The following LRRTM4 variants were observed in gnomAD, a reference collection of about 807,000 sequenced individuals.
The protein encoded by LRRTM4 is leucine-rich repeat transmembrane neuronal protein 4.
A neutral mutation model predicts 47.6 loss-of-function variants in LRRTM4; 25 were observed. That is an observed-to-expected ratio of 0.53 (90% CI 0.38 to 0.73). The LOEUF (loss-of-function observed/expected upper bound fraction) is 0.73, where lower values mean the gene tolerates loss of function less well. Ranked by LOEUF, LRRTM4 falls within the 30% of genes least tolerant of loss-of-function variation. The pLI is 0.00. For synonymous variants in LRRTM4, 311 were observed against 269.5 expected, an observed-to-expected ratio of 1.15 and a Z score of -1.51; for missense variants, 638 against 713.4, an observed-to-expected ratio of 0.89 and a Z score of 1.20.
Position 76,853,195 on chromosome 2 carries a change from T to A in LRRTM4, c.1552-104279A>T, listed in dbSNP as rs140765349. 2.4e-3 allele frequency among the ~76,000 whole-genome samples: 368 copies of A among 152,116 alleles called. 6 individuals carry two copies. Among genetic ancestry groups the A allele is most frequent in the African/African-American group, 8.5e-3 (355 of 41,526 alleles). Reference sequence around the variant, plus strand: ...GTTAGATAGATAACGCTGGGTACAGTGTGGAGAATAAATGGGGAGGGGCTA... The same window carrying A: ...GTTAGATAGATAACGCTGGGTACAGAGTGGAGAATAAATGGGGAGGGGCTA... On this transcript the variant is annotated intron_variant, in intron 3 of 3. Coordinates refer to ENST00000409884, the MANE Select transcript of LRRTM4 (RefSeq NM_001134745.3).
chr2:77,014,333 ATTAAT>A (rs1268050345), intron 3 of LRRTM4, among the ~76,000 whole-genome samples: 1 of 152,078 alleles, frequency 6.6e-6, no homozygotes, highest in African/African-American at 2.4e-5. Context: ...TAAATTAAAT[ATTAAT>A]TTATTATAAA....
intron 3 of LRRTM4, among the ~76,000 whole-genome samples, chr2:77,335,804 G>A (rs1573271855): frequency 6.6e-6 from 1 of 152,176 alleles, no homozygotes; most frequent in African/African-American, 2.4e-5. Flanking sequence ...CCCAAATTAG[G>A]CTCATTCTTA....
At chr2:77,193,738 T>C (rs960898214) in intron 3 of LRRTM4, among the ~76,000 whole-genome samples, 5 of 152,132 alleles carry the variant, frequency 3.3e-5, no homozygotes, top group Admixed American at 1.3e-4. Context: ...GAGGCGGGCA[T>C]TGCACTCCGG....
intron 3 of LRRTM4, among the ~76,000 whole-genome samples, chr2:77,184,987 T>G (rs895599908): frequency 5.3e-5 from 8 of 152,120 alleles, no homozygotes; most frequent in African/African-American, 1.9e-4. Context: ...TGTTGAGGTC[T>G]CTACATATTG....
intron 3 of LRRTM4, among the ~76,000 whole-genome samples, chr2:76,874,121 T>C (rs1262661552): frequency 5.9e-5 from 9 of 151,902 alleles, no homozygotes; most frequent in Admixed American, 1.3e-4. Flanking sequence ...CTTTTTTTTT[T>C]TCTCGGAACA....
intron 3 of LRRTM4, among the ~76,000 whole-genome samples, chr2:76,807,874 C>A (rs1256216343): frequency 5.3e-5 from 8 of 151,154 alleles, no homozygotes; most frequent in Non-Finnish European, 1.2e-4. Flanking sequence ...AGCCACCGCA[C>A]CCGGCCTATT....
chr2:76,796,758 C>A (rs1045833092), intron 3 of LRRTM4, among the ~76,000 whole-genome samples: 5 of 151,710 alleles, frequency 3.3e-5, no homozygotes, highest in East Asian at 2.0e-4. Context: ...GAGCACCTCT[C>A]CTCCTCCAAA....
At chr2:76,819,860 C>CT (rs1392837388) in intron 3 of LRRTM4, among the ~76,000 whole-genome samples, 2 of 151,902 alleles carry the variant, frequency 1.3e-5, no homozygotes, top group Non-Finnish European at 2.9e-5. Context: ...AAACCACCTA[C>CT]TTTTTGCTTT....
intron 3 of LRRTM4, among the ~76,000 whole-genome samples, chr2:77,087,190 A>G (rs1680747146): frequency 6.6e-6 from 1 of 152,214 alleles, no homozygotes; most frequent in African/African-American, 2.4e-5. Flanking sequence ...GCATCAAGAG[A>G]GTGGGCATAC....
intron 3 of LRRTM4, chr2:77,009,251 T>A (rs7604936): frequency 0.35 from 53,382 of 151,990 alleles, 10,496 homozygotes; most frequent in East Asian, 0.53. Flanking sequence ...TTGTAATTAC[T>A]GTATGATTTC....
intron 3 of LRRTM4, among the ~76,000 whole-genome samples, chr2:77,516,188 G>C (rs1468582248): frequency 2.6e-5 from 4 of 151,742 alleles, no homozygotes. Flanking sequence ...ATTACTTAAT[G>C]CCTTAACAAC....
At position 77,403,749 on chromosome 2, in the gene LRRTM4, G is replaced by C. The variant is rs200429876; in HGVS notation, c.1551+114569C>G. 1.9e-4 allele frequency among the ~76,000 whole-genome samples: 29 copies of C among 151,622 alleles called. 1 individual carries two copies. The East Asian group carries it at 5.3e-3, about 28-fold the overall frequency. ...GTCACATTTTGATACCATTGTCTTA[G>C]AATTTAATCTGACCCTAGCCCCGAC... On this transcript the variant is annotated intron_variant, in intron 3 of 3. Transcript: ENST00000409884.
chr2:77,199,889 T>C (rs533811119), intron 3 of LRRTM4, among the ~76,000 whole-genome samples: 1 of 152,196 alleles, frequency 6.6e-6, no homozygotes, highest in East Asian at 1.9e-4. Flanking sequence ...CAAAGGCATT[T>C]GAAGCAACCA....
chr2:77,016,117 G>A (rs1290483465), intron 3 of LRRTM4, among the ~76,000 whole-genome samples: 2 of 152,066 alleles, frequency 1.3e-5, no homozygotes, highest in African/African-American at 4.8e-5. Context: ...TCCGGGAGCA[G>A]TGGCTCATGC....
intron 3 of LRRTM4, among the ~76,000 whole-genome samples, chr2:76,856,442 A>G (rs10520166): frequency 0.13 from 19,545 of 152,176 alleles, 1,826 homozygotes; most frequent in East Asian, 0.48. Context: ...AAAACAAACC[A>G]TGTACTGCTA....
At chr2:76,773,593 T>C (rs1250411196) in intron 3 of LRRTM4, among the ~76,000 whole-genome samples, 1 of 151,934 alleles carries the variant, frequency 6.6e-6, no homozygotes, top group South Asian at 2.1e-4. Flanking sequence ...GATAAAGTGA[T>C]TCAAAGCAAA....
At chr2:77,196,122 G>A (rs1463384393) in intron 3 of LRRTM4, among the ~76,000 whole-genome samples, 1 of 152,102 alleles carries the variant, frequency 6.6e-6, no homozygotes, top group Non-Finnish European at 1.5e-5. Flanking sequence ...TTTGGTTATT[G>A]TCATTTAATA....
At chr2:77,503,182 C>A (rs1344256) in intron 3 of LRRTM4, among the ~76,000 whole-genome samples, 3 of 151,204 alleles carry the variant, frequency 2.0e-5, no homozygotes, top group African/African-American at 7.3e-5. Context: ...AGCAGAGAAA[C>A]AAATTCAATG....
intron 3 of LRRTM4, among the ~76,000 whole-genome samples, chr2:77,472,925 T>C (rs1677246572): frequency 6.6e-6 from 1 of 152,166 alleles, no homozygotes; most frequent in South Asian, 2.1e-4. Context: ...AATCATCTTT[T>C]GCTCACAGCA....
Sources: gnomAD v4.1 joint callset for allele counts (sites outside exome capture counted in the v4.1 genomes callset) on GRCh38, gnomAD v4.1.1 for gene constraint, MANE v1.5 for transcripts, NCBI Gene and HGNC (gene_info 2026-07-23, HGNC 2026-07-21) for gene names.